Variants in ARFGAP1 observed in about 807,000 individuals in gnomAD.
ARFGAP1 encodes the protein ARF GTPase activating protein 1, also known as ADP-ribosylation factor GTPase-activating protein 1.
ARFGAP1 carries 26 observed loss-of-function variants against 54.0 expected under a neutral mutation model. That is an observed-to-expected ratio of 0.48 (90% CI 0.35 to 0.67). ARFGAP1 has a LOEUF of 0.67. ARFGAP1 is among the 30% of genes least tolerant of loss of function. The pLI is 0.00. For synonymous variants in ARFGAP1, 248 were observed against 211.9 expected, an observed-to-expected ratio of 1.17 and a Z score of -1.48; for missense variants, 525 against 535.8, an observed-to-expected ratio of 0.98 and a Z score of 0.20.
In ARFGAP1 at chr20:63,288,719, G is replaced by C. The variant is rs915649759; in HGVS notation, c.*846G>C. On this transcript the variant is annotated 3_prime_UTR_variant, in exon 13 of 13. Transcript: ENST00000370283. ...GCCTGTGCGTGGTGCCTGGGTCTAG[G>C]GAAGCTCCAGCCCCAGGATGGGGCT... The C allele has an allele frequency of 2.8e-6, 1 of 353,262 alleles. No homozygotes were observed. The highest frequency in any genetic ancestry group is 5.6e-6 in the Non-Finnish European group (1 of 177,420). The allele number at this position is 353,262 out of a possible 1,614,324, so 21.9% of individuals were successfully genotyped here.
intron 10 of ARFGAP1, among the ~76,000 whole-genome samples, 192 bp downstream of exon 10, chr20:63,285,114 C>G (rs907158214): frequency 6.6e-6 from 1 of 152,110 alleles, no homozygotes; most frequent in Non-Finnish European, 1.5e-5. Flanking sequence ...TGGTCCCTTC[C>G]CCTGGCCTAG....
chr20:63,279,051 C>T lies in ARFGAP1; in HGVS notation c.627+56C>T, dbSNP rs927318213. ...ATGGGCAGACCCCGCCCTGAGGGCACGACGGGCCATAGTGGGCAGTGTGGC... is the reference window on the plus strand; with the variant it reads ...ATGGGCAGACCCCGCCCTGAGGGCATGACGGGCCATAGTGGGCAGTGTGGC... On this transcript the variant is annotated intron_variant, in intron 7 of 12. Coordinates refer to ENST00000370283, the MANE Select transcript of ARFGAP1 (RefSeq NM_018209.4). 23 of 1,562,320 alleles carry T rather than the reference C, an allele frequency of 1.5e-5. No individual in the cohort carries two copies. The East Asian group carries it at 1.6e-4, about 11-fold the overall frequency.
intron 1 of ARFGAP1, among the ~76,000 whole-genome samples, chr20:63,275,074 C>T (rs1232766076): frequency 6.6e-6 from 1 of 152,264 alleles, no homozygotes; most frequent in South Asian, 2.1e-4. Flanking sequence ...GGGGCACAGG[C>T]GGGAGCCTCC....
Position 63,288,683 on chromosome 20 carries a change from G to C in ARFGAP1, c.*810G>C. On this transcript the variant is annotated 3_prime_UTR_variant, in exon 13 of 13. Coordinates refer to ENST00000370283, the MANE Select transcript of ARFGAP1 (RefSeq NM_018209.4). The stretch of plus-strand genomic sequence containing the variant: ...GCAGGAGGGGCCGGGTTCAGGAGCT[G>C]AGCAGGGGATGCCTGTGCGTGGTGC... The C allele has an allele frequency of 2.7e-6, 1 of 369,356 alleles. No individual in the cohort carries two copies. The highest frequency in any genetic ancestry group is 5.4e-6 in the Non-Finnish European group (1 of 183,922). The allele number at this position is 369,356 out of a possible 1,614,324, so 22.9% of individuals were successfully genotyped here. A position where few individuals can be genotyped will look rare whatever the true frequency, so the allele number is the denominator to read the frequency against.
In ARFGAP1 at chr20:63,276,252, T is replaced by C. The variant is rs750389161; in HGVS notation, c.170+52T>C. On this transcript the variant is annotated intron_variant, in intron 3 of 12. Transcript: ENST00000370283. The surrounding 1 kb of genome is among the most constrained non-coding windows in gnomAD (Gnocchi z 5.2). ...CGGAGAGCCTGCGGCCACCCCAGCA[T>C]CTGTTCCTGACACCAGAGGTGCTGA... The C allele has an allele frequency of 1.3e-6, 2 of 1,592,928 alleles. No individual in the cohort carries two copies. Among genetic ancestry groups the C allele is most frequent in the South Asian group, 1.1e-5 (1 of 90,614 alleles).
intron 7 of ARFGAP1, 146 bp downstream of exon 7, chr20:63,279,141 G>A (rs543252238): frequency 1.7e-4 from 134 of 807,176 alleles, no homozygotes; most frequent in South Asian, 1.3e-3. Context: ...CTTCAGCGAC[G>A]TTTTCTTTCA....
intron 6 of ARFGAP1, chr20:63,278,527 C>CT (rs962298854): frequency 8.7e-5 from 40 of 458,294 alleles, no homozygotes; most frequent in African/African-American, 7.1e-4. Context: ...AATTGGGGGT[C>CT]TTGGGTGTAG....
At chr20:63,278,778 T>C in intron 6 of ARFGAP1, 121 bp from the exon 7 acceptor site, 1 of 766,084 alleles carries the variant, frequency 1.3e-6, no homozygotes, top group Non-Finnish European at 2.2e-6. Context: ...GCATGTCCTG[T>C]GCGTGGGGAC....
At chr20:63,282,777 C>T (rs1198605447) in intron 8 of ARFGAP1, 42 bp from the exon 9 acceptor site, 2 of 1,610,872 alleles carry the variant, frequency 1.2e-6, no homozygotes, top group East Asian at 2.2e-5. Flanking sequence ...CCTGGCAGCC[C>T]ATGTTAAGTC....
At chr20:63,279,960 G>T (rs918190516) in intron 7 of ARFGAP1, among the ~76,000 whole-genome samples, 1 of 152,148 alleles carries the variant, frequency 6.6e-6, no homozygotes, top group Admixed American at 6.5e-5. Context: ...CCAATGTGGC[G>T]AAACCCCGTC....
chr20:63,288,078 A>G lies in ARFGAP1; in HGVS notation c.*205A>G, dbSNP rs1178258136. The G allele has an allele frequency of 1.4e-5, 9 of 646,010 alleles. No homozygotes were observed. The highest frequency in any genetic ancestry group is 5.7e-5 in the Admixed American group (2 of 34,788). 40.0% of individuals were successfully genotyped at this position (646,010 alleles called of 1,614,324 possible). ...GGTGCGTGGGGGCGGCTTGCTGTCC[A>G]GCCTGTGTGGGGGCCGTCCCGTCCC... On this transcript the variant is annotated 3_prime_UTR_variant, in exon 13 of 13. Transcript: ENST00000370283.
intron 9 of ARFGAP1, chr20:63,283,135 A>G (rs1238176602): frequency 3.9e-6 from 2 of 506,344 alleles, no homozygotes; most frequent in African/African-American, 1.9e-5. Context: ...TGTTGGGAGC[A>G]GGACTGCCCG....
chr20:63,278,153 G>C lies in ARFGAP1; in HGVS notation c.480G>C (p.Ser160=). 1 of 1,613,744 alleles carries C rather than the reference G, an allele frequency of 6.2e-7. No homozygotes were observed. Among genetic ancestry groups the C allele is most frequent in the South Asian group, 1.1e-5 (1 of 91,078 alleles). The part of the protein sequence containing the change: ...SGQPQSVTAS[S]DKAFEDWLND... ...AGCCGCAGAGTGTGACCGCCTCCTC[G>C]GACAAGGCTTTTGAAGACTGGCTGA... The change falls in exon 6 of 13, where the codon TCG becomes TCC. Residue 160 remains serine (S), a synonymous_variant. Transcript: ENST00000370283.
intron 9 of ARFGAP1, chr20:63,284,187 G>A: frequency 7.7e-7 from 1 of 1,298,870 alleles, no homozygotes; most frequent in Non-Finnish European, 9.8e-7. Flanking sequence ...GCTGGAGGGA[G>A]GGCGGGGGCA....
Position 63,288,998 on chromosome 20 carries a change from A to T in ARFGAP1, c.*1125A>T, listed in dbSNP as rs758054127. 1.1e-4 allele frequency: 21 copies of T among 186,956 alleles called. No homozygotes were observed. The highest frequency in any genetic ancestry group is 1.6e-4 in the Admixed American group (3 of 18,416). The allele number at this position is 186,956 out of a possible 1,614,324, so 11.6% of individuals were successfully genotyped here. A position where few individuals can be genotyped will look rare whatever the true frequency, so the allele number is the denominator to read the frequency against. On this transcript the variant is annotated 3_prime_UTR_variant, in exon 13 of 13. Transcript: ENST00000370283. ...TCGCCGTCTGCAGCACTCCTGGAGCAGCCTGGGCCCTTCAGCCCCTGTGCT... is the reference window on the plus strand; with the variant it reads ...TCGCCGTCTGCAGCACTCCTGGAGCTGCCTGGGCCCTTCAGCCCCTGTGCT...
intron 7 of ARFGAP1, among the ~76,000 whole-genome samples, chr20:63,279,498 G>A (rs992892467): frequency 1.2e-4 from 18 of 152,270 alleles, no homozygotes; most frequent in African/African-American, 4.1e-4. Context: ...GAGCCACCGT[G>A]CCCGGCCATC....
chr20:63,281,224 T>C (rs1278522165), intron 7 of ARFGAP1, 67 bp from the exon 8 acceptor site: 2 of 1,503,346 alleles, frequency 1.3e-6, no homozygotes, highest in South Asian at 1.2e-5. Context: ...CTTGCTGAGA[T>C]ACTCTGCTCA....
In ARFGAP1 at chr20:63,287,823, G is replaced by A; in HGVS notation, c.1171G>A (p.Val391Met). ...GGGCGGGGAGGGCACCAAGAAGGCAGTGCCGCCGGCCGTGCCCACTGATGA... is the reference window on the plus strand; with the variant it reads ...GGGCGGGGAGGGCACCAAGAAGGCAATGCCGCCGGCCGTGCCCACTGATGA... ...GEGGEGTKKAVPPAVPTDDGW... is the reference protein window; with the variant it reads ...GEGGEGTKKAMPPAVPTDDGW... The change falls in exon 13 of 13, where the codon GTG becomes ATG. Residue 391 changes from valine to methionine, a missense_variant. Transcript: ENST00000370283. 2 of 1,584,632 alleles carry A rather than the reference G, an allele frequency of 1.3e-6. No individual in the cohort carries two copies. The highest frequency in any genetic ancestry group is 1.7e-6 in the Non-Finnish European group (2 of 1,166,024).
rs990641868 is a variant in ARFGAP1 at position 63,276,900 on chromosome 20, C to T, written c.342+249C>T. On this transcript the variant is annotated intron_variant, in intron 4 of 12. Transcript: ENST00000370283. This position sits in a 1 kb window ranked among gnomAD's most constrained non-coding sequence, Gnocchi z 5.2. ...AAGCAGCTGTGACCGTTTATTGCCT[C>T]TGTGACATGTTGGGCACAGTGTTTC... is the stretch of plus-strand genomic sequence containing the variant. 3.3e-5 allele frequency among the ~76,000 whole-genome samples: 5 copies of T among 152,226 alleles called. No homozygotes were observed. Among genetic ancestry groups the T allele is most frequent in the African/African-American group, 9.6e-5 (4 of 41,462 alleles).
Sources: gnomAD v4.1 joint callset for allele counts (sites outside exome capture counted in the v4.1 genomes callset) on GRCh38, gnomAD v4.1.1 for gene constraint, Gnocchi (gnomAD v3.1) non-coding constraint, MANE v1.5 for transcripts, NCBI Gene and HGNC (gene_info 2026-07-23, HGNC 2026-07-21) for gene names.